The following WNT5B variants were observed in gnomAD, a reference collection of about 807,000 sequenced individuals.
The protein encoded by WNT5B is Wnt family member 5B, also known as protein Wnt-5b.
A neutral mutation model predicts 36.5 loss-of-function variants in WNT5B; 18 were observed. That is an observed-to-expected ratio of 0.49 (90% CI 0.34 to 0.73). The LOEUF (loss-of-function observed/expected upper bound fraction) is 0.73. Ranked by LOEUF, WNT5B falls within the 30% of genes least tolerant of loss-of-function variation. The pLI is 0.01. For missense variants in WNT5B, 424 were observed against 508.4 expected, an observed-to-expected ratio of 0.83 and a Z score of 1.60; for synonymous variants, 213 against 212.3, an observed-to-expected ratio of 1.00 and a Z score of -0.03.
At chr12:1,638,758 G>A (rs2094567030) in intron 3 of WNT5B, among the ~76,000 whole-genome samples, 2 of 152,190 alleles carry the variant, frequency 1.3e-5, no homozygotes, top group South Asian at 2.1e-4. Context: ...TGAGTTAGGA[G>A]GCAGTGTGGA....
intron 1 of WNT5B, among the ~76,000 whole-genome samples, chr12:1,619,492 G>A (rs563891588): frequency 4.6e-5 from 7 of 152,270 alleles, no homozygotes; most frequent in South Asian, 4.1e-4. Context: ...GGGGATTCTC[G>A]TAAGAGGTGG....
chr12:1,627,329 T>C (rs1389083883), upstream of WNT5B, among the ~76,000 whole-genome samples: 1 of 152,186 alleles, frequency 6.6e-6, no homozygotes, highest in East Asian at 1.9e-4. The surrounding 1 kb of genome is among the most constrained non-coding windows in gnomAD (Gnocchi z 5.0). Context: ...GGTGGCTCCA[T>C]TTCCTGCAGG....
chr12:1,624,844 G>C (rs746624373), upstream of WNT5B, among the ~76,000 whole-genome samples: 2 of 152,044 alleles, frequency 1.3e-5, no homozygotes, highest in Non-Finnish European at 2.9e-5. Context: ...GCATAAGTGG[G>C]GTAGGGAGGT....
chr12:1,626,767 G>C (rs545353809), upstream of WNT5B, among the ~76,000 whole-genome samples: 5 of 151,574 alleles, frequency 3.3e-5, no homozygotes, highest in African/African-American at 1.2e-4. Context: ...GGGTTTCACC[G>C]TGTTAGCCAG....
intron 2 of WNT5B, among the ~76,000 whole-genome samples, 166 bp downstream of exon 2, chr12:1,631,600 C>G (rs150566274): frequency 6.6e-6 from 1 of 152,316 alleles, no homozygotes; most frequent in East Asian, 1.9e-4. Context: ...CTCTCTCAAC[C>G]CTTATCTTTG....
rs115937815 is a variant in WNT5B at position 1,644,601 on chromosome 12, A to G, written c.622-1193A>G. On this transcript the variant is annotated intron_variant, in intron 4 of 4. Coordinates refer to ENST00000397196, the MANE Select transcript of WNT5B (RefSeq NM_032642.3). This position sits in a 1 kb window ranked among gnomAD's most constrained non-coding sequence, Gnocchi z 5.1. ...GGGGGCTCTTGAAAAGAAATCTAAG[A>G]GAAACCCTTGAAAAATGAGTCCTGA... Among the ~76,000 whole-genome samples, 138 of 152,308 alleles carry G rather than the reference A, an allele frequency of 9.1e-4. No homozygotes were observed. Among genetic ancestry groups the G allele is most frequent in the African/African-American group, 3.2e-3 (132 of 41,562 alleles).
At chr12:1,628,653 T>C (rs889668161), upstream of WNT5B, among the ~76,000 whole-genome samples, 8 of 152,210 alleles carry the variant, frequency 5.3e-5, no homozygotes, top group Non-Finnish European at 1.2e-4. Context: ...GACCTGCTCA[T>C]TAACACAAAA....
At chr12:1,631,925 C>T (rs978906857) in intron 2 of WNT5B, among the ~76,000 whole-genome samples, 1 of 152,168 alleles carries the variant, frequency 6.6e-6, no homozygotes, top group Admixed American at 6.5e-5. Flanking sequence ...CGATCACCAC[C>T]TATTTTGCAT....
At chr12:1,641,203 G>A (rs1377290454) in intron 4 of WNT5B, among the ~76,000 whole-genome samples, 1 of 152,104 alleles carries the variant, frequency 6.6e-6, no homozygotes, top group Non-Finnish European at 1.5e-5. Flanking sequence ...TGACCAACAT[G>A]GTGAAACCCT....
At chr12:1,620,172 T>C (rs12829892) in intron 1 of WNT5B, among the ~76,000 whole-genome samples, 41,927 of 152,082 alleles carry the variant, frequency 0.28, 6,091 homozygotes, top group Non-Finnish European at 0.33. Context: ...AGAACATTGC[T>C]GGTATCCCAG....
intron 4 of WNT5B, among the ~76,000 whole-genome samples, chr12:1,641,066 T>A (rs371438590): frequency 6.6e-6 from 1 of 152,098 alleles, no homozygotes; most frequent in South Asian, 2.1e-4. Context: ...GGCGAGGTAA[T>A]GTAACAAAGA....
At position 1,630,446 on chromosome 12, in the gene WNT5B, C is replaced by A. The variant is rs2094548381; in HGVS notation, c.-57-852C>A. On this transcript the variant is annotated intron_variant, in intron 1 of 4. Transcript: ENST00000397196. This position sits in a 1 kb window ranked among gnomAD's most constrained non-coding sequence, Gnocchi z 5.3. ...AGGCAGGAGGCCAAGAGGCGGGAGGCCCGGGAGCCAGCAGGGAAGGGCTGT... is the reference window on the plus strand; with the variant it reads ...AGGCAGGAGGCCAAGAGGCGGGAGGACCGGGAGCCAGCAGGGAAGGGCTGT... 6.6e-6 allele frequency among the ~76,000 whole-genome samples: 1 copy of A among 152,162 alleles called. No individual in the cohort carries two copies. The highest frequency in any genetic ancestry group is 1.9e-4 in the East Asian group (1 of 5,182).
intron 3 of WNT5B, among the ~76,000 whole-genome samples, chr12:1,637,980 G>A (rs2094565307): frequency 2.0e-5 from 3 of 152,166 alleles, no homozygotes; most frequent in Admixed American, 2.0e-4. Context: ...CAGGCACGGT[G>A]GCTCACGCCT....
chr12:1,642,762 C>T (rs2094577920), intron 4 of WNT5B, among the ~76,000 whole-genome samples: 1 of 152,210 alleles, frequency 6.6e-6, no homozygotes, highest in Non-Finnish European at 1.5e-5. Context: ...TCCCTCCCAT[C>T]AGGCTTGTTC....
chr12:1,643,857 GCAGATATTCCTAT>G (rs2094580433), intron 4 of WNT5B, among the ~76,000 whole-genome samples: 2 of 151,222 alleles, frequency 1.3e-5, no homozygotes, highest in Non-Finnish European at 2.9e-5. Flanking sequence ...GAAAAAAATT[GCAGATATTCCTAT>G]CTCTACAATG....
intron 1 of WNT5B, among the ~76,000 whole-genome samples, chr12:1,620,735 C>T (rs1382795588): frequency 2.1e-5 from 3 of 141,168 alleles, no homozygotes; most frequent in East Asian, 4.5e-4. Context: ...GACGGAGTCT[C>T]GCTCTGTGGC....
At chr12:1,623,502 A>T (rs559060251) in intron 1 of WNT5B, among the ~76,000 whole-genome samples, 1 of 151,988 alleles carries the variant, frequency 6.6e-6, no homozygotes, top group South Asian at 2.1e-4. Context: ...GCCTCTTTGA[A>T]GGGTTTTAAG....
At position 1,644,323 on chromosome 12, in the gene WNT5B, C is replaced by T. The variant is rs1375306382; in HGVS notation, c.622-1471C>T. ...CTTGGGGAGAGCCTTCCTTCCTCCTCTGCTCTAAGCCAGCTTTAAGCCCCG... is the reference window on the plus strand; with the variant it reads ...CTTGGGGAGAGCCTTCCTTCCTCCTTTGCTCTAAGCCAGCTTTAAGCCCCG... On this transcript the variant is annotated intron_variant, in intron 4 of 4. Transcript: ENST00000397196. This position sits in a 1 kb window ranked among gnomAD's most constrained non-coding sequence, Gnocchi z 5.1. Among the ~76,000 whole-genome samples the T allele has an allele frequency of 6.6e-6, 1 of 152,164 alleles. No individual in the cohort carries two copies. Among genetic ancestry groups the T allele is most frequent in the Non-Finnish European group, 1.5e-5 (1 of 68,026 alleles).
chr12:1,639,667 C>G lies in WNT5B; in HGVS notation c.329-17C>G. On this transcript the variant is annotated splice_polypyrimidine_tract_variant and intron_variant, in intron 3 of 4. Transcript: ENST00000397196. ...GAGGAGAGCGCACCCGCTTACCGCC[C>G]TGGCCTCATTCTGCAGGCAGCCGAG... 6.6e-7 allele frequency: 1 copy of G among 1,514,334 alleles called. No homozygotes were observed. The highest frequency in any genetic ancestry group is 8.8e-7 in the Non-Finnish European group (1 of 1,141,378). The allele number at this position is 1,514,334 out of a possible 1,614,324, so 93.8% of individuals were successfully genotyped here. A position where few individuals can be genotyped will look rare whatever the true frequency, so the allele number is the denominator to read the frequency against.
Sources: allele counts gnomAD v4.1 joint callset (sites outside exome capture counted in the v4.1 genomes callset), GRCh38; gene constraint gnomAD v4.1.1; non-coding constraint Gnocchi (gnomAD v3.1); transcripts MANE v1.5; gene names NCBI Gene and HGNC (gene_info 2026-07-23, HGNC 2026-07-21).